The following SHISA6 variants were observed in gnomAD, a reference collection of about 807,000 sequenced individuals.
SHISA6 encodes protein shisa-6.
SHISA6 carries 22 observed loss-of-function variants against 47.9 expected under a neutral mutation model. That is an observed-to-expected ratio of 0.46 (90% confidence interval 0.33 to 0.66). The LOEUF is 0.66. SHISA6 is among the 30% of genes least tolerant of loss of function. The pLI is 0.02. For synonymous variants in SHISA6, 388 were observed against 337.8 expected, an observed-to-expected ratio of 1.15 and a Z score of -1.63; for missense variants, 680 against 764.6, an observed-to-expected ratio of 0.89 and a Z score of 1.30.
chr17:11,392,323 G>A (rs1381086333), intron 3 of SHISA6, among the ~76,000 whole-genome samples: 1 of 152,200 alleles, frequency 6.6e-6, no homozygotes, highest in Non-Finnish European at 1.5e-5. Flanking sequence ...CAAAACTCAT[G>A]TTGAAATTTG....
rs761396126 is a variant in SHISA6 at position 11,423,347 on chromosome 17, A to ATAGG, written c.895+43841_895+43842insGTAG. Among the ~76,000 whole-genome samples, 35 of 149,910 alleles carry ATAGG rather than the reference A, an allele frequency of 2.3e-4. No homozygotes were observed. In the East Asian group the frequency reaches 5.9e-3, roughly 25 times the overall value. The stretch of plus-strand genomic sequence containing the variant: ...TATATATAGATAGATAGATAGATAG[A>ATAGG]TAGATAGATAGATAGATAGATATAT... On this transcript the variant is annotated intron_variant, in intron 3 of 5. Coordinates refer to ENST00000441885, the MANE Select transcript of SHISA6 (RefSeq NM_207386.4).
At chr17:11,304,520 G>T (rs1020147239) in intron 2 of SHISA6, among the ~76,000 whole-genome samples, 2 of 152,052 alleles carry the variant, frequency 1.3e-5, no homozygotes, top group Non-Finnish European at 2.9e-5. Flanking sequence ...GCGGGTGGGT[G>T]CTGGGAGGTA....
chr17:11,378,458 TGTTATA>T (rs1364999309), intron 2 of SHISA6, among the ~76,000 whole-genome samples: 30 of 152,320 alleles, frequency 2.0e-4, no homozygotes, highest in African/African-American at 7.0e-4. Context: ...GCCTGTGCAT[TGTTATA>T]GTTATACATA....
intron 3 of SHISA6, among the ~76,000 whole-genome samples, chr17:11,418,921 C>T (rs1480788401): frequency 6.6e-6 from 1 of 152,164 alleles, no homozygotes; most frequent in African/African-American, 2.4e-5. Flanking sequence ...GCCTGTCTTT[C>T]CATTCCTCTG....
rs77545188 is a variant in SHISA6, at chr17:11,399,951, A to C, written c.895+20442A>C. ...TCATTCTCCTTGCTATTTTTTCTTC[A>C]GAATGTGATACTATACACTTCCCAC... On this transcript the variant is annotated intron_variant, in intron 3 of 5. Transcript: ENST00000441885. 3.9e-3 allele frequency among the ~76,000 whole-genome samples: 587 copies of C among 152,290 alleles called. 7 individuals carry two copies. Among genetic ancestry groups the C allele is most frequent in the Middle Eastern group, 6.8e-3 (2 of 294 alleles).
intron 3 of SHISA6, among the ~76,000 whole-genome samples, chr17:11,456,812 C>G (rs28530629): frequency 7.6e-4 from 116 of 152,290 alleles, no homozygotes; most frequent in African/African-American, 2.6e-3. Flanking sequence ...GCAAGAAAAA[C>G]TCCCCAGAGA....
chr17:11,346,591 A>C (rs913270669), intron 2 of SHISA6, among the ~76,000 whole-genome samples: 5 of 152,242 alleles, frequency 3.3e-5, no homozygotes, highest in African/African-American at 1.2e-4. Flanking sequence ...AGACAGAATC[A>C]TCTGGGATCA....
At chr17:11,407,191 C>T (rs1056542513) in intron 3 of SHISA6, among the ~76,000 whole-genome samples, 9 of 151,822 alleles carry the variant, frequency 5.9e-5, no homozygotes, top group Non-Finnish European at 1.2e-4. Context: ...ACAAGATAAC[C>T]ACTATTAGTA....
At chr17:11,269,779 C>T (rs1451352175) in intron 2 of SHISA6, among the ~76,000 whole-genome samples, 4 of 152,042 alleles carry the variant, frequency 2.6e-5, no homozygotes, top group African/African-American at 4.8e-5. Flanking sequence ...TTATGCTTGG[C>T]CTGTGAGGAA....
intron 3 of SHISA6, among the ~76,000 whole-genome samples, chr17:11,504,439 G>GC (rs36119473): frequency 6.6e-6 from 1 of 152,166 alleles, no homozygotes; most frequent in Admixed American, 6.5e-5. Context: ...GATCGTAGGA[G>GC]CCCAGGGAAC....
chr17:11,431,453 T>C (rs1473789081), intron 3 of SHISA6, among the ~76,000 whole-genome samples: 2 of 152,222 alleles, frequency 1.3e-5, no homozygotes, highest in Non-Finnish European at 2.9e-5. Flanking sequence ...AAAGATGTAA[T>C]ATTTTCAACT....
At chr17:11,297,835 A>C (rs2142174853) in intron 2 of SHISA6, among the ~76,000 whole-genome samples, 1 of 152,330 alleles carries the variant, frequency 6.6e-6, no homozygotes, top group South Asian at 2.1e-4. Context: ...CCCTTCAGCG[A>C]AAGAAGGAGC....
rs556309080 is a variant in SHISA6, at chr17:11,263,497, C to T, written c.770C>T (p.Thr257Ile). ...AGATCGTCCTCCAAAAACCACTACA[C>T]TCCTGTGCGTACGGCCAAGCAGACT... ...PVRSSSKNHY[T>I]PVRTAKQTPG... The change falls in exon 2 of 6, where the codon ACT becomes ATT. Residue 257 changes from threonine to isoleucine, a missense_variant. Around this residue, in one of 2 missense-constraint regions of SHISA6, gnomAD observed 559 missense variants for 674.1 expected, o/e 0.83. Coordinates refer to ENST00000441885, the MANE Select transcript of SHISA6 (RefSeq NM_207386.4). 9 of 1,551,754 alleles carry T rather than the reference C, an allele frequency of 5.8e-6. No individual in the cohort carries two copies. The highest frequency in any genetic ancestry group is 2.0e-5 in the Admixed American group (1 of 51,006).
intron 3 of SHISA6, among the ~76,000 whole-genome samples, chr17:11,525,631 C>CAAAAAAAAAAAA (rs548619604): frequency 3.4e-5 from 2 of 58,906 alleles, no homozygotes; most frequent in East Asian, 5.1e-4. Flanking sequence ...GACTCCGTCT[C>CAAAAAAAAAAAA]AAAAAAAAAA....
chr17:11,396,528 G>T (rs2142260358), intron 3 of SHISA6, among the ~76,000 whole-genome samples: 1 of 152,300 alleles, frequency 6.6e-6, no homozygotes, highest in African/African-American at 2.4e-5. Context: ...TGGGTCAAAT[G>T]GAATTTCTGG....
chr17:11,277,359 T>G (rs1308914965), intron 2 of SHISA6, among the ~76,000 whole-genome samples: 1 of 150,464 alleles, frequency 6.6e-6, no homozygotes, highest in Non-Finnish European at 1.5e-5. Context: ...CCCAGAGATC[T>G]AGACCTGAGT....
intron 3 of SHISA6, among the ~76,000 whole-genome samples, chr17:11,383,698 C>G (rs571464827): frequency 1.3e-5 from 2 of 152,148 alleles, no homozygotes; most frequent in South Asian, 4.1e-4. Context: ...CTTACTTTTC[C>G]TCTTACTATC....
chr17:11,533,519 G>A (rs915085457), intron 3 of SHISA6, among the ~76,000 whole-genome samples: 32 of 149,904 alleles, frequency 2.1e-4, no homozygotes, highest in African/African-American at 3.9e-4. Flanking sequence ...TCTCCCCACC[G>A]TCCAAAATCA....
chr17:11,290,223 T>C (rs539132201), intron 2 of SHISA6: 28 of 67,442 alleles, frequency 4.2e-4, no homozygotes, highest in African/African-American at 1.5e-3. Flanking sequence ...TTTGTGTGTG[T>C]ATGCATGGCA....
Sources: gnomAD v4.1 joint callset for allele counts (sites outside exome capture counted in the v4.1 genomes callset) on GRCh38, gnomAD v4.1.1 for gene constraint, gnomAD v4.1.1 regional missense constraint, MANE v1.5 for transcripts, NCBI Gene and HGNC (gene_info 2026-07-23, HGNC 2026-07-21) for gene names.